The following SGCG variants were observed in gnomAD, a reference collection of about 807,000 sequenced individuals.
SGCG encodes the protein gamma-sarcoglycan.
SGCG carries 26 observed loss-of-function variants against 29.3 expected under a neutral mutation model. That is an observed-to-expected ratio of 0.89 (90% CI 0.65 to 1.23). SGCG has a LOEUF of 1.23. SGCG is among the 50% of genes most tolerant of loss of function. The probability of loss-of-function intolerance (pLI) is 0.00; values close to 1 mark genes in which losing one functional copy is unlikely to be tolerated. For synonymous variants in SGCG, 145 were observed against 129.7 expected, an observed-to-expected ratio of 1.12 and a Z score of -0.80; for missense variants, 353 against 356.0, an observed-to-expected ratio of 0.99 and a Z score of 0.07.
At chr13:23,245,606 G>C (rs768452076) in intron 3 of SGCG, 4 of 152,116 alleles carry the variant, frequency 2.6e-5, no homozygotes, top group Non-Finnish European at 5.9e-5. Flanking sequence ...ATCCTCCTAA[G>C]AAATTCAGTA....
At chr13:23,297,234 T>A (rs5802226) in intron 6 of SGCG, among the ~76,000 whole-genome samples, 2 of 106,180 alleles carry the variant, frequency 1.9e-5, no homozygotes, top group Non-Finnish European at 2.0e-5. Flanking sequence ...TCTTTTATTT[T>A]TTTTTTTTTT....
intron 6 of SGCG, among the ~76,000 whole-genome samples, chr13:23,301,807 G>A (rs974316267): frequency 3.3e-5 from 5 of 151,870 alleles, no homozygotes; most frequent in Middle Eastern, 3.4e-3. Flanking sequence ...AGAAGAATTC[G>A]CTTGAACCCG....
chr13:23,299,456 A>ATATATTTTTTT (rs1882059808), intron 6 of SGCG, among the ~76,000 whole-genome samples: 12 of 41,530 alleles, frequency 2.9e-4, no homozygotes, highest in Non-Finnish European at 4.3e-4. Context: ...ATATATATAT[A>ATATATTTTTTT]TTTTTTTTTT....
intron 2 of SGCG, among the ~76,000 whole-genome samples, chr13:23,219,422 G>A (rs1231501631): frequency 6.6e-6 from 1 of 152,060 alleles, no homozygotes; most frequent in East Asian, 1.9e-4. Context: ...CTAAATAGAG[G>A]TATTCATATT....
chr13:23,216,047 G>T (rs1878416033), intron 2 of SGCG, among the ~76,000 whole-genome samples: 1 of 152,068 alleles, frequency 6.6e-6, no homozygotes, highest in Non-Finnish European at 1.5e-5. Context: ...TTAGAATCTT[G>T]AACATGTTTC....
At chr13:23,214,135 A>G (rs907659447) in intron 2 of SGCG, among the ~76,000 whole-genome samples, 1 of 152,204 alleles carries the variant, frequency 6.6e-6, no homozygotes, top group Non-Finnish European at 1.5e-5. Context: ...ACTGAAACTT[A>G]CCAGGTCACC....
At chr13:23,293,506 A>G (rs1240928093) in intron 5 of SGCG, among the ~76,000 whole-genome samples, 2 of 152,184 alleles carry the variant, frequency 1.3e-5, no homozygotes, top group East Asian at 3.9e-4. Flanking sequence ...ATAGCCAGTA[A>G]TACTGTGGAG....
At chr13:23,316,670 G>A (rs771684912) in intron 6 of SGCG, among the ~76,000 whole-genome samples, 3 of 152,120 alleles carry the variant, frequency 2.0e-5, no homozygotes, top group African/African-American at 7.2e-5. Context: ...GGCACCACTC[G>A]CCATCACCCC....
At chr13:23,188,311 C>CTTTTTTTTTT (rs71100159) in intron 1 of SGCG, among the ~76,000 whole-genome samples, 1 of 78,354 alleles carries the variant, frequency 1.3e-5, no homozygotes, top group African/African-American at 4.9e-5. Context: ...TTTACTAAGG[C>CTTTTTTTTTT]TTTTTTTTTT....
At chr13:23,291,264 A>G (rs35718776) in intron 5 of SGCG, among the ~76,000 whole-genome samples, 32,191 of 152,142 alleles carry the variant, frequency 0.21, 3,517 homozygotes, top group African/African-American at 0.25. Flanking sequence ...CATGATTTAT[A>G]TAATGATAGT....
intron 5 of SGCG, among the ~76,000 whole-genome samples, chr13:23,290,805 CA>C (rs1881676971): frequency 6.6e-6 from 1 of 152,140 alleles, no homozygotes; most frequent in Admixed American, 6.5e-5. Flanking sequence ...ACTGTCTGAA[CA>C]GAAGTATTAA....
intron 2 of SGCG, among the ~76,000 whole-genome samples, chr13:23,207,535 A>G (rs1203471343): frequency 6.6e-6 from 1 of 152,216 alleles, no homozygotes; most frequent in African/African-American, 2.4e-5. Flanking sequence ...GCAACCCATG[A>G]AATGGGAGAA....
intron 4 of SGCG, among the ~76,000 whole-genome samples, chr13:23,261,854 T>C (rs180691161): frequency 3.9e-5 from 6 of 152,138 alleles, no homozygotes; most frequent in Admixed American, 1.3e-4. Context: ...GTACTATCTT[T>C]AGTATCATTA....
chr13:23,201,841 C>T (rs1261384967), intron 1 of SGCG, among the ~76,000 whole-genome samples: 3 of 152,188 alleles, frequency 2.0e-5, no homozygotes, highest in Non-Finnish European at 2.9e-5. Context: ...TTCAGACTCC[C>T]TGGCCACCCT....
chr13:23,259,189 G>A (rs1321182426), intron 4 of SGCG, among the ~76,000 whole-genome samples: 1 of 151,964 alleles, frequency 6.6e-6, no homozygotes, highest in Non-Finnish European at 1.5e-5. Flanking sequence ...TTTTTTGGTT[G>A]GTAGGCTATT....
chr13:23,240,520 C>A (rs1593191470), intron 3 of SGCG, among the ~76,000 whole-genome samples: 1 of 152,302 alleles, frequency 6.6e-6, no homozygotes, highest in East Asian at 1.9e-4. Context: ...AGACAGAGTT[C>A]TTTTCAAGTG....
intron 1 of SGCG, among the ~76,000 whole-genome samples, chr13:23,200,876 C>T (rs574728659): frequency 2.6e-5 from 4 of 152,098 alleles, no homozygotes; most frequent in Non-Finnish European, 4.4e-5. Context: ...GACTCCTGGC[C>T]GAGTAAGACC....
the SGCG span, among the ~76,000 whole-genome samples, chr13:23,169,070 T>G: frequency 1.3e-5 from 2 of 151,464 alleles, no homozygotes; most frequent in Non-Finnish European, 2.9e-5. Context: ...TTTTTTAAAT[T>G]TAGAACTGTC....
chr13:23,295,510 TAAC>T (rs774011620), intron 6 of SGCG, 23 bp downstream of exon 6: 22 of 1,503,984 alleles, frequency 1.5e-5, no homozygotes, highest in Non-Finnish European at 1.9e-5. Flanking sequence ...GTTCAAATAT[TAAC>T]AACCTCTCCT....
Sources: gnomAD v4.1 joint callset for allele counts (sites outside exome capture counted in the v4.1 genomes callset) on GRCh38, gnomAD v4.1.1 for gene constraint, MANE v1.5 for transcripts, NCBI Gene and HGNC (gene_info 2026-07-23, HGNC 2026-07-21) for gene names.